NRG1: variants seen among roughly 807,000 people sequenced by gnomAD.
NRG1 encodes neuregulin 1.
NRG1 carries 18 observed loss-of-function variants against 63.8 expected under a neutral mutation model. That is an observed-to-expected ratio of 0.28 (90% CI 0.19 to 0.42). The LOEUF (loss-of-function observed/expected upper bound fraction) is 0.42, where lower values mean the gene tolerates loss of function less well. Among genes scored for constraint, NRG1 ranks in the 10% least tolerant of loss-of-function variants. NRG1 has a pLI of 1.00. For missense variants in NRG1, 762 were observed against 814.7 expected, an observed-to-expected ratio of 0.94 and a Z score of 0.79; for synonymous variants, 302 against 301.3, an observed-to-expected ratio of 1.00 and a Z score of -0.02.
intron 1 of NRG1, among the ~76,000 whole-genome samples, chr8:32,568,787 C>G (rs969845555): frequency 6.6e-6 from 1 of 152,132 alleles, no homozygotes; most frequent in African/African-American, 2.4e-5. Context: ...AAAATAGTAT[C>G]TAGGTTTGAG....
intron 5 of NRG1, among the ~76,000 whole-genome samples, chr8:32,642,225 T>C (rs2129545911): frequency 6.6e-6 from 1 of 152,328 alleles, no homozygotes; most frequent in Non-Finnish European, 1.5e-5. Context: ...ATAATCTGTG[T>C]AATGCAATCC....
chr8:31,773,237 A>G (rs964544280), intron 1 of NRG1, among the ~76,000 whole-genome samples: 30 of 152,320 alleles, frequency 2.0e-4, no homozygotes, highest in African/African-American at 6.7e-4. Context: ...CTCAGTGCTC[A>G]CTGTCATCCT....
At chr8:32,289,356 A>G (rs1441411055) in intron 1 of NRG1, among the ~76,000 whole-genome samples, 1 of 152,100 alleles carries the variant, frequency 6.6e-6, no homozygotes, top group Admixed American at 6.6e-5. Context: ...CCTCAGGAAT[A>G]GGATTCTTGG....
intron 1 of NRG1, among the ~76,000 whole-genome samples, chr8:31,734,912 T>G (rs766694948): frequency 4.1e-4 from 62 of 152,254 alleles, no homozygotes; most frequent in Non-Finnish European, 6.5e-4. Context: ...CCATCCCTAT[T>G]ATGACTCTAA....
At chr8:31,702,916 C>G (rs1053429368) in intron 1 of NRG1, among the ~76,000 whole-genome samples, 1 of 151,602 alleles carries the variant, frequency 6.6e-6, no homozygotes, top group Non-Finnish European at 1.5e-5. Flanking sequence ...ACAAGGCCTG[C>G]AGTATAGATG....
rs537580742 is a variant in NRG1, at chr8:32,236,530, T to G, written c.38-359298T>G. Among the ~76,000 whole-genome samples, 4 of 152,238 alleles carry G rather than the reference T, an allele frequency of 2.6e-5. No homozygotes were observed. The South Asian group carries it at 8.3e-4, about 32-fold the overall frequency. On this transcript the variant is annotated intron_variant, in intron 1 of 10. Coordinates refer to the NRG1 transcript ENST00000519301. Reference sequence around the variant, plus strand: ...AAGACAAAGTGAGTTCTTTTGGTCCTTAAGCCATGAATTGGAGTCTGGATA... The same window carrying G: ...AAGACAAAGTGAGTTCTTTTGGTCCGTAAGCCATGAATTGGAGTCTGGATA...
chr8:32,482,520 C>G (rs116189774), intron 1 of NRG1, among the ~76,000 whole-genome samples: 1 of 151,956 alleles, frequency 6.6e-6, no homozygotes, highest in Non-Finnish European at 1.5e-5. Flanking sequence ...CATGCTTTTC[C>G]GGGCAGATCC....
Position 32,742,017 on chromosome 8 carries a change from T to C in NRG1, c.633-658T>C, listed in dbSNP as rs889230009. On this transcript the variant is annotated intron_variant, in intron 6 of 11. Coordinates refer to ENST00000356819, the Ensembl canonical transcript of NRG1. This position sits in a 1 kb window ranked among gnomAD's most constrained non-coding sequence, Gnocchi z 4.2. ...CATTTTTGCCCTCTAGGTGCCAACC[T>C]GGATTCACTGGAGCAAGATGTACTG... 6.2e-7 allele frequency: 1 copy of C among 1,613,476 alleles called. No homozygotes were observed. The highest frequency in any genetic ancestry group is 1.7e-5 in the Admixed American group (1 of 59,950).
chr8:32,226,190 T>C (rs976569892), intron 1 of NRG1, among the ~76,000 whole-genome samples: 2 of 152,190 alleles, frequency 1.3e-5, no homozygotes, highest in Non-Finnish European at 2.9e-5. Context: ...AAAGATTTAC[T>C]AAACATTAGA....
At chr8:32,405,093 G>C (rs762450823) in intron 1 of NRG1, among the ~76,000 whole-genome samples, 2 of 152,202 alleles carry the variant, frequency 1.3e-5, no homozygotes, top group Non-Finnish European at 2.9e-5. Context: ...ATACAGATCT[G>C]AATTTGCCAG....
At chr8:32,596,074 C>A (rs1843302688) in intron 2 of NRG1, 69 bp downstream of exon 2, 1 of 1,202,440 alleles carries the variant, frequency 8.3e-7, no homozygotes, top group South Asian at 1.9e-5. Flanking sequence ...GTTATTTAGA[C>A]CCTAATAAGT....
chr8:32,509,376 G>A (rs567348954), intron 1 of NRG1, among the ~76,000 whole-genome samples: 20 of 152,188 alleles, frequency 1.3e-4, no homozygotes, highest in East Asian at 1.9e-4. Context: ...TTACAGGTGT[G>A]AGTCACCACA....
chr8:32,285,609 G>T (rs1334171477), intron 1 of NRG1, among the ~76,000 whole-genome samples: 1 of 152,188 alleles, frequency 6.6e-6, no homozygotes, highest in East Asian at 1.9e-4. Flanking sequence ...ATTGGCTGAG[G>T]TTAGCAATTA....
At chr8:32,303,971 T>C (rs1307076919) in intron 1 of NRG1, among the ~76,000 whole-genome samples, 1 of 152,226 alleles carries the variant, frequency 6.6e-6, no homozygotes, top group Non-Finnish European at 1.5e-5. Flanking sequence ...TAGGTACATA[T>C]ACAATTGGAT....
At chr8:32,516,710 C>A (rs2129504029) in intron 1 of NRG1, among the ~76,000 whole-genome samples, 1 of 152,172 alleles carries the variant, frequency 6.6e-6, no homozygotes, top group South Asian at 2.1e-4. Flanking sequence ...GCATTGCATT[C>A]TTGATTTGGC....
At chr8:32,628,223 G>T (rs1178104080) in intron 5 of NRG1, among the ~76,000 whole-genome samples, 1 of 152,136 alleles carries the variant, frequency 6.6e-6, no homozygotes, top group African/African-American at 2.4e-5. Context: ...GATGAAATGT[G>T]ATACGAAGAG....
intron 1 of NRG1, among the ~76,000 whole-genome samples, chr8:31,775,080 C>T (rs1818990602): frequency 7.4e-6 from 1 of 134,812 alleles, no homozygotes; most frequent in Non-Finnish European, 1.6e-5. Flanking sequence ...TCCAGTAATC[C>T]CACCACCAGA....
chr8:32,405,362 G>A (rs1022865999), intron 1 of NRG1, among the ~76,000 whole-genome samples: 2 of 152,126 alleles, frequency 1.3e-5, no homozygotes, highest in African/African-American at 4.8e-5. Context: ...AAGCCACCAA[G>A]CCTGTTTAAT....
chr8:31,777,762 A>G (rs1473577157), intron 1 of NRG1, among the ~76,000 whole-genome samples: 2 of 152,114 alleles, frequency 1.3e-5, no homozygotes, highest in East Asian at 3.9e-4. Flanking sequence ...GAAGGAAGAC[A>G]GAGCGGGGGA....
Sources: gnomAD v4.1 joint callset for allele counts (sites outside exome capture counted in the v4.1 genomes callset) on GRCh38, gnomAD v4.1.1 for gene constraint, Gnocchi (gnomAD v3.1) non-coding constraint, MANE v1.5 for transcripts, NCBI Gene and HGNC (gene_info 2026-07-23, HGNC 2026-07-21) for gene names.